Variants in QPRT observed in about 807,000 individuals in gnomAD.
The protein encoded by QPRT is nicotinate-nucleotide pyrophosphorylase [carboxylating].
In QPRT, 17 loss-of-function variants were observed where a neutral mutation model predicts 19.8. The observed-to-expected ratio is 0.86, with a 90% CI of 0.59 to 1.29. The LOEUF (loss-of-function observed/expected upper bound fraction) is 1.29. Among genes scored for constraint, QPRT ranks in the 50% most tolerant of loss-of-function variants. The pLI, the probability that QPRT is intolerant of heterozygous loss-of-function variation, is 0.00. For missense variants in QPRT, 336 were observed against 405.1 expected, an observed-to-expected ratio of 0.83 and a Z score of 1.46; for synonymous variants, 178 against 191.0, an observed-to-expected ratio of 0.93 and a Z score of 0.56.
chr16:29,695,368 C>G (rs1448154223), intron 2 of QPRT, among the ~76,000 whole-genome samples, 169 bp downstream of exon 2: 1 of 152,080 alleles, frequency 6.6e-6, no homozygotes, highest in Non-Finnish European at 1.5e-5. Context: ...CTCAGTTGAG[C>G]TCATCCAGCT....
chr16:29,693,448 G>A (rs1349660643), intron 1 of QPRT, among the ~76,000 whole-genome samples: 1 of 151,132 alleles, frequency 6.6e-6, no homozygotes, highest in African/African-American at 2.4e-5. Context: ...CATTTTTTTC[G>A]GGGTTTTGCC....
chr16:29,692,790 G>A (rs567896661), intron 1 of QPRT, among the ~76,000 whole-genome samples: 2 of 152,228 alleles, frequency 1.3e-5, no homozygotes, highest in East Asian at 1.9e-4. Flanking sequence ...TAGGCCGGGC[G>A]CAGTGGCTCA....
At chr16:29,683,517 A>G (rs1247976667) in intron 1 of QPRT, among the ~76,000 whole-genome samples, 2 of 151,884 alleles carry the variant, frequency 1.3e-5, no homozygotes, top group African/African-American at 2.4e-5. Flanking sequence ...CACCATGCCC[A>G]GCTAATTTTT....
intron 2 of QPRT, chr16:29,696,308 A>C (rs1037860924): frequency 6.6e-6 from 1 of 151,226 alleles, no homozygotes; most frequent in African/African-American, 2.4e-5. Context: ...TGGGCCATAT[A>C]GCAAGATTCT....
rs779649797 is a variant in QPRT, at chr16:29,694,656, C to A, written c.14-8C>A. The A allele has an allele frequency of 6.6e-7, 1 of 1,515,112 alleles. No homozygotes were observed. The allele number at this position is 1,515,112 out of a possible 1,614,324, so 93.9% of individuals were successfully genotyped here. On this transcript the variant is annotated splice_region_variant and splice_polypyrimidine_tract_variant and intron_variant, in intron 1 of 3. Coordinates refer to ENST00000395384, the MANE Select transcript of QPRT (RefSeq NM_014298.6). ...CCAAACTCAACAGCTGTTCTCTCTT[C>A]CCCCCAGGCCTGGCGCTGCTGCTGC...
At chr16:29,682,175 G>A (rs1047578486) in intron 1 of QPRT, among the ~76,000 whole-genome samples, 8 of 151,654 alleles carry the variant, frequency 5.3e-5, no homozygotes, top group South Asian at 2.1e-4. Context: ...GACTGCAGGC[G>A]TGTGCCACCA....
chr16:29,685,396 G>A (rs1045928837), intron 1 of QPRT, among the ~76,000 whole-genome samples: 2 of 152,164 alleles, frequency 1.3e-5, no homozygotes, highest in Admixed American at 6.5e-5. Context: ...ACTTGAACCC[G>A]GGAGGCAGAG....
intron 2 of QPRT, among the ~76,000 whole-genome samples, chr16:29,695,484 CTTTTTTTTTTTT>C (rs962384967): frequency 1.1e-5 from 1 of 93,618 alleles, no homozygotes; most frequent in Non-Finnish European, 2.1e-5. Context: ...CTAATTTTTG[CTTTTTTTTTTTT>C]TTTTTTTTTT....
intron 1 of QPRT, among the ~76,000 whole-genome samples, chr16:29,687,354 T>C (rs1418784390): frequency 6.6e-6 from 1 of 152,210 alleles, no homozygotes; most frequent in Non-Finnish European, 1.5e-5. Context: ...TTTATATTGG[T>C]TAGCTTCATA....
At chr16:29,691,234 G>A (rs1030473155) in intron 1 of QPRT, among the ~76,000 whole-genome samples, 1 of 151,158 alleles carries the variant, frequency 6.6e-6, no homozygotes, top group African/African-American at 2.4e-5. Flanking sequence ...GCGTGGTGGC[G>A]GGCACCTGTA....
intron 1 of QPRT, among the ~76,000 whole-genome samples, chr16:29,691,117 C>T (rs964716603): frequency 1.3e-5 from 2 of 150,060 alleles, no homozygotes; most frequent in Admixed American, 6.6e-5. Flanking sequence ...GTAATCCCAG[C>T]ACTTTGGGAG....
chr16:29,690,147 G>A (rs867376655), intron 1 of QPRT, among the ~76,000 whole-genome samples: 5 of 152,132 alleles, frequency 3.3e-5, no homozygotes, highest in African/African-American at 4.8e-5. Flanking sequence ...CTGTTCCTGC[G>A]TTTGTTTGCT....
chr16:29,698,578 C>G lies in QPRT; in HGVS notation c.*1167C>G, dbSNP rs200724192. On this transcript the variant is annotated 3_prime_UTR_variant, in exon 4 of 4. Transcript: ENST00000395384. Reference sequence around the variant, plus strand: ...CTTGCTTGAGATATCATGACCCTTTCACGTGGACCCCTTAGAGTTGTAAGC... The same window carrying G: ...CTTGCTTGAGATATCATGACCCTTTGACGTGGACCCCTTAGAGTTGTAAGC... 1 of 152,610 alleles carries G rather than the reference C, an allele frequency of 6.6e-6. No individual in the cohort carries two copies. The highest frequency in any genetic ancestry group is 1.5e-5 in the Non-Finnish European group (1 of 68,040). The allele number at this position is 152,610 out of a possible 1,614,324, so 9.5% of individuals were successfully genotyped here.
In QPRT at chr16:29,685,762, G is replaced by T. The variant is rs558167882; in HGVS notation, c.13+6552G>T. 2.6e-5 allele frequency among the ~76,000 whole-genome samples: 4 copies of T among 152,258 alleles called. No homozygotes were observed. In the East Asian group the frequency reaches 7.7e-4, roughly 29 times the overall value. On this transcript the variant is annotated intron_variant, in intron 1 of 3. Coordinates refer to ENST00000395384, the MANE Select transcript of QPRT (RefSeq NM_014298.6). ...CACTTGTAATCCCAGCACTTTGGGA[G>T]GCCGAGGTGGGAGGACTGCTTGAGC...
chr16:29,697,180 C>T lies in QPRT; in HGVS notation c.682-19C>T, dbSNP rs1356171017. ...GATCTGTGGTGGGCTCTTACCTCCC[C>T]TTGGCTTGTGTCCCGCAGGAGCTGC... On this transcript the variant is annotated intron_variant, in intron 3 of 3. Transcript: ENST00000395384. This position sits in a 1 kb window ranked among gnomAD's most constrained non-coding sequence, Gnocchi z 4.4. 6.2e-7 allele frequency: 1 copy of T among 1,601,722 alleles called. No homozygotes were observed. Among genetic ancestry groups the T allele is most frequent in the Non-Finnish European group, 8.5e-7 (1 of 1,171,362 alleles).
At chr16:29,696,946 G>A (rs1967554524) in intron 2 of QPRT, 50 bp from the exon 3 acceptor site, 1 of 1,527,414 alleles carries the variant, frequency 6.5e-7, no homozygotes, top group Non-Finnish European at 8.8e-7. Context: ...GCGCCCCAGT[G>A]CCAGGTGCTG....
chr16:29,689,876 G>A (rs368411707), intron 1 of QPRT, among the ~76,000 whole-genome samples: 4 of 147,292 alleles, frequency 2.7e-5, no homozygotes, highest in African/African-American at 4.8e-5. Flanking sequence ...GTTGTGAGCC[G>A]TTAAAAAGGA....
chr16:29,680,827 G>C (rs1307501924), intron 1 of QPRT, among the ~76,000 whole-genome samples: 2 of 152,146 alleles, frequency 1.3e-5, no homozygotes, highest in Non-Finnish European at 2.9e-5. Context: ...TGTAATCCCA[G>C]CTACATGGGA....
At chr16:29,691,682 G>A (rs1967339615) in intron 1 of QPRT, among the ~76,000 whole-genome samples, 1 of 152,154 alleles carries the variant, frequency 6.6e-6, no homozygotes, top group African/African-American at 2.4e-5. Context: ...AGTGGGAGTG[G>A]GGGATTAGGC....
Sources: gnomAD v4.1 joint callset for allele counts (sites outside exome capture counted in the v4.1 genomes callset) on GRCh38, gnomAD v4.1.1 for gene constraint, Gnocchi (gnomAD v3.1) non-coding constraint, MANE v1.5 for transcripts, NCBI Gene and HGNC (gene_info 2026-07-23, HGNC 2026-07-21) for gene names.